The following POU2F1 variants were observed in gnomAD, a reference collection of about 807,000 sequenced individuals.
POU2F1 encodes the protein POU class 2 homeobox 1.
A neutral mutation model predicts 84.9 loss-of-function variants in POU2F1; 16 were observed. The observed-to-expected ratio is 0.19, with a 90% CI of 0.13 to 0.29. POU2F1 has a LOEUF of 0.29. POU2F1 is among the 10% of genes least tolerant of loss of function. The pLI is 1.00. For missense variants in POU2F1, 738 were observed against 942.6 expected, an observed-to-expected ratio of 0.78 and a Z score of 2.84; for synonymous variants, 368 against 368.3, an observed-to-expected ratio of 1.00 and a Z score of 0.01.
chr1:167,232,118 C>A (rs767757646), intron 1 of POU2F1, among the ~76,000 whole-genome samples: 1 of 152,188 alleles, frequency 6.6e-6, no homozygotes, highest in African/African-American at 2.4e-5. Context: ...GCCCCTGTGA[C>A]TATGAGCTGT....
At chr1:167,315,903 T>G (rs555776072) in intron 1 of POU2F1, among the ~76,000 whole-genome samples, 7 of 152,254 alleles carry the variant, frequency 4.6e-5, no homozygotes, top group African/African-American at 1.4e-4. Context: ...GAATAACTAT[T>G]GATACACACC....
rs1649203617 is a variant in POU2F1, at chr1:167,401,488, C to T, written c.1487C>T (p.Ala496Val). Reference protein sequence around the residue: ...TTPSLVTSSAATTLTVSPVLP... With the variant: ...TTPSLVTSSAVTTLTVSPVLP... ...CCAAGCCTTGTGACTAGCAGTGCAGCAACTACCCTCACAGTCAGCCCTGTC... is the reference window on the plus strand; with the variant it reads ...CCAAGCCTTGTGACTAGCAGTGCAGTAACTACCCTCACAGTCAGCCCTGTC... Residue 496 changes from alanine (A) to valine (V), a missense_variant, in exon 13 of 16, where the codon GCA becomes GTA. Ala to Val is a moderately conservative substitution (Grantham distance 64). This residue lies in a region of POU2F1 where 319 missense variants were observed against 386.0 expected (regional missense o/e 0.83). Transcript: ENST00000367866. 1 of 1,613,462 alleles carries T rather than the reference C, an allele frequency of 6.2e-7. No individual in the cohort carries two copies. Among genetic ancestry groups the T allele is most frequent in the Non-Finnish European group, 8.5e-7 (1 of 1,179,788 alleles).
At chr1:167,374,399 C>A in intron 6 of POU2F1, 103 bp downstream of exon 6, 1 of 1,121,144 alleles carries the variant, frequency 8.9e-7, no homozygotes, top group Non-Finnish European at 1.2e-6. Context: ...GGGGCCTTAA[C>A]TGCCTGAGGA....
intron 1 of POU2F1, among the ~76,000 whole-genome samples, chr1:167,274,430 C>T (rs1652579073): frequency 6.6e-6 from 1 of 152,068 alleles, no homozygotes; most frequent in South Asian, 2.1e-4. Context: ...CCTCTTCTTT[C>T]CTTCTAGGTC....
intron 1 of POU2F1, among the ~76,000 whole-genome samples, chr1:167,281,392 TAAAAG>T (rs1297907589): frequency 2.0e-5 from 3 of 152,144 alleles, no homozygotes; most frequent in African/African-American, 7.2e-5. Context: ...AAGGTAGTGA[TAAAAG>T]AAAAACCTCG....
chr1:167,332,361 A>G (rs1557900815), intron 1 of POU2F1, 109 bp from the exon 2 acceptor site: 8 of 724,792 alleles, frequency 1.1e-5, no homozygotes, highest in Middle Eastern at 2.4e-4. Context: ...TTCTTAAACT[A>G]TATGACTATA....
intron 1 of POU2F1, among the ~76,000 whole-genome samples, chr1:167,239,643 A>G (rs951752742): frequency 6.6e-6 from 1 of 152,232 alleles, no homozygotes; most frequent in Non-Finnish European, 1.5e-5. Flanking sequence ...TTGAAGAACA[A>G]TATACTTAAA....
chr1:167,340,990 G>T (rs1657811011), intron 2 of POU2F1, among the ~76,000 whole-genome samples: 1 of 152,166 alleles, frequency 6.6e-6, no homozygotes, highest in Admixed American at 6.5e-5. Context: ...TACAGGCTGG[G>T]TAGGGTTTAA....
At chr1:167,226,052 A>G (rs1648607668) in intron 1 of POU2F1, among the ~76,000 whole-genome samples, 1 of 152,224 alleles carries the variant, frequency 6.6e-6, no homozygotes, top group South Asian at 2.1e-4. Context: ...CTATTCAGGT[A>G]ATTTGCGTTT....
At chr1:167,285,588 G>C (rs1006974221) in intron 1 of POU2F1, among the ~76,000 whole-genome samples, 1 of 149,360 alleles carries the variant, frequency 6.7e-6, no homozygotes, top group Middle Eastern at 3.5e-3. Context: ...CAGAGACTCC[G>C]TCTCAAAAAA....
intron 1 of POU2F1, among the ~76,000 whole-genome samples, chr1:167,231,596 C>T (rs933308386): frequency 6.6e-6 from 1 of 152,198 alleles, no homozygotes; most frequent in South Asian, 2.1e-4. Context: ...AGAGCTTCTG[C>T]TCCTTGTAAT....
chr1:167,292,892 TACAA>T (rs1240454021), intron 1 of POU2F1, among the ~76,000 whole-genome samples: 6 of 151,860 alleles, frequency 4.0e-5, no homozygotes, highest in African/African-American at 7.3e-5. Context: ...TAAACAGAAT[TACAA>T]ACAAAAACCA....
chr1:167,399,374 A>T lies in POU2F1; in HGVS notation c.1449+9A>T. Reference sequence around the variant, plus strand: ...CCAGCCCAACTTCACTGGTAAGAATAAAAAATAGGGAGTGCAAGCTCAAGG... The same window carrying T: ...CCAGCCCAACTTCACTGGTAAGAATTAAAAATAGGGAGTGCAAGCTCAAGG... On this transcript the variant is annotated intron_variant, in intron 12 of 15. Transcript: ENST00000367866. The T allele has an allele frequency of 6.2e-7, 1 of 1,603,306 alleles. No homozygotes were observed.
chr1:167,338,020 A>G (rs1657586518), intron 2 of POU2F1: 2 of 403,638 alleles, frequency 5.0e-6, no homozygotes, highest in Non-Finnish European at 9.8e-6. Context: ...ATGGTGGAAG[A>G]AGGATTGGTA....
chr1:167,411,993 C>A lies in POU2F1; in HGVS notation c.1590C>A (p.Thr530=), dbSNP rs7534943. The change falls in exon 14 of 16, where the codon ACC becomes ACA. Residue 530 remains threonine (T), a synonymous_variant. Coordinates refer to ENST00000367866, the MANE Select transcript of POU2F1 (RefSeq NM_002697.4). The stretch of plus-strand genomic sequence containing the variant: ...ACACCACCTCCAACAACACAGCAAC[C>A]GTGATTTCCACAGCGCCTCCAGCTT... ...TSDTTSNNTA[T]VISTAPPASS... 20 of 1,613,894 alleles carry A rather than the reference C, an allele frequency of 1.2e-5. No individual in the cohort carries two copies. The highest frequency in any genetic ancestry group is 1.7e-5 in the Non-Finnish European group (20 of 1,179,838).
chr1:167,307,305 A>G (rs1290177116), intron 1 of POU2F1, among the ~76,000 whole-genome samples: 2 of 152,152 alleles, frequency 1.3e-5, no homozygotes, highest in Non-Finnish European at 2.9e-5. Flanking sequence ...AAGATCTTGA[A>G]ATGTCCATCA....
At chr1:167,252,430 C>T (rs1194769335) in intron 1 of POU2F1, among the ~76,000 whole-genome samples, 1 of 152,176 alleles carries the variant, frequency 6.6e-6, no homozygotes, top group Non-Finnish European at 1.5e-5. Flanking sequence ...TACAAAACAG[C>T]AGTCACCACT....
At chr1:167,281,295 A>G (rs1453677705) in intron 1 of POU2F1, among the ~76,000 whole-genome samples, 3 of 152,254 alleles carry the variant, frequency 2.0e-5, no homozygotes, top group African/African-American at 4.8e-5. Flanking sequence ...TAACTGGGTG[A>G]CAACTGAAAA....
intron 5 of POU2F1, among the ~76,000 whole-genome samples, chr1:167,372,848 G>A (rs7523241): frequency 0.73 from 110,593 of 151,974 alleles, 40,467 homozygotes; most frequent in East Asian, 0.87. Flanking sequence ...CTTTGTGGGG[G>A]TTGGTTTAGG....
Sources: allele counts gnomAD v4.1 joint callset (sites outside exome capture counted in the v4.1 genomes callset), GRCh38; gene constraint gnomAD v4.1.1; regional missense constraint gnomAD v4.1.1; transcripts MANE v1.5; gene names NCBI Gene and HGNC (gene_info 2026-07-23, HGNC 2026-07-21).